The following GALNT17 variants were observed in gnomAD, a reference collection of about 807,000 sequenced individuals.
GALNT17 encodes polypeptide N-acetylgalactosaminyltransferase 17, also known as UDP-GalNAc:polypeptide N-acetylgalactosaminyltransferase-like 3.
In GALNT17, 29 loss-of-function variants were observed where a neutral mutation model predicts 63.7. The observed-to-expected ratio is 0.46, with a 90% confidence interval of 0.34 to 0.62. GALNT17 has a LOEUF of 0.62. GALNT17 is among the 20% of genes least tolerant of loss of function. The pLI, the probability that GALNT17 is intolerant of heterozygous loss-of-function variation, is 0.01. For synonymous variants in GALNT17, 305 were observed against 318.3 expected, an observed-to-expected ratio of 0.96 and a Z score of 0.45; for missense variants, 603 against 799.6, an observed-to-expected ratio of 0.75 and a Z score of 2.97.
chr7:71,599,068 G>C (rs570352971), intron 6 of GALNT17, among the ~76,000 whole-genome samples: 4 of 152,216 alleles, frequency 2.6e-5, no homozygotes, highest in African/African-American at 9.6e-5. Context: ...TAGCTGAGCA[G>C]AACAGTGCAG....
At chr7:71,599,738 G>T (rs750302072) in intron 6 of GALNT17, among the ~76,000 whole-genome samples, 2 of 151,590 alleles carry the variant, frequency 1.3e-5, no homozygotes, top group Non-Finnish European at 2.9e-5. Context: ...CCCACCTTAA[G>T]AAATTACCTA....
chr7:71,297,610 C>CAA (rs61518801), intron 1 of GALNT17, among the ~76,000 whole-genome samples: 1 of 151,740 alleles, frequency 6.6e-6, no homozygotes, highest in African/African-American at 2.4e-5. Context: ...GACCTTGTCT[C>CAA]AAAAAAATAG....
intron 1 of GALNT17, among the ~76,000 whole-genome samples, chr7:71,133,303 C>A (rs972093852): frequency 5.9e-5 from 9 of 152,186 alleles, no homozygotes; most frequent in African/African-American, 1.9e-4. Context: ...TCCCGGTCCC[C>A]GCGTGCGGAC....
At chr7:71,674,369 A>G in intron 8 of GALNT17, among the ~76,000 whole-genome samples, 1 of 151,306 alleles carries the variant, frequency 6.6e-6, no homozygotes, top group Non-Finnish European at 1.5e-5. Flanking sequence ...AAAAAGAGAT[A>G]GGGTCTTGCT....
intron 5 of GALNT17, among the ~76,000 whole-genome samples, chr7:71,460,414 G>A (rs754210557): frequency 4.6e-5 from 7 of 152,156 alleles, no homozygotes; most frequent in Non-Finnish European, 8.8e-5. Context: ...TACAAGCAGG[G>A]CAGTCATTTT....
chr7:71,453,611 A>G (rs954783998), intron 5 of GALNT17, among the ~76,000 whole-genome samples: 2 of 152,212 alleles, frequency 1.3e-5, no homozygotes, highest in African/African-American at 2.4e-5. Flanking sequence ...GGGAGCTACA[A>G]TTCAAGATGA....
chr7:71,360,215 A>C (rs990262576), intron 2 of GALNT17, among the ~76,000 whole-genome samples: 6 of 152,214 alleles, frequency 3.9e-5, no homozygotes, highest in Non-Finnish European at 8.8e-5. Flanking sequence ...ATACAATTTG[A>C]TATCTTAGCT....
At chr7:71,295,843 C>T (rs4719107) in intron 1 of GALNT17, among the ~76,000 whole-genome samples, 48,256 of 151,854 alleles carry the variant, frequency 0.32, 7,873 homozygotes, top group East Asian at 0.49. Flanking sequence ...AATCTTCCTG[C>T]CTCAGCCTCT....
chr7:71,303,162 CTT>C (rs35900409), intron 1 of GALNT17, among the ~76,000 whole-genome samples: 86 of 146,530 alleles, frequency 5.9e-4, no homozygotes, highest in Admixed American at 6.8e-4. Context: ...TGCACCCAGC[CTT>C]TTTTTTTTTT....
chr7:71,568,350 G>A (rs1297486705), intron 5 of GALNT17, among the ~76,000 whole-genome samples: 3 of 152,164 alleles, frequency 2.0e-5, no homozygotes, highest in African/African-American at 7.2e-5. Flanking sequence ...CACGAGATGT[G>A]CGTGGAAAGT....
At chr7:71,246,773 G>C (rs2116480279) in intron 1 of GALNT17, among the ~76,000 whole-genome samples, 1 of 151,890 alleles carries the variant, frequency 6.6e-6, no homozygotes, top group South Asian at 2.1e-4. Context: ...AGCTTGCAGT[G>C]AGCTGAGAAC....
chr7:71,256,372 A>T (rs1289848984), intron 1 of GALNT17, among the ~76,000 whole-genome samples: 1 of 152,254 alleles, frequency 6.6e-6, no homozygotes, highest in East Asian at 1.9e-4. Flanking sequence ...GGAGTTTGAG[A>T]CCAGCCTGGC....
At chr7:71,151,988 A>G (rs1266570123) in intron 1 of GALNT17, among the ~76,000 whole-genome samples, 1 of 152,194 alleles carries the variant, frequency 6.6e-6, no homozygotes, top group Non-Finnish European at 1.5e-5. Context: ...GCAATTACTG[A>G]AATGCATTCA....
intron 1 of GALNT17, among the ~76,000 whole-genome samples, chr7:71,299,715 T>C (rs1052474838): frequency 1.3e-5 from 2 of 152,082 alleles, no homozygotes; most frequent in African/African-American, 4.8e-5. Context: ...CCTATGTCCT[T>C]CCTGTGTGTC....
intron 5 of GALNT17, among the ~76,000 whole-genome samples, chr7:71,478,318 G>GT (rs1461505352): frequency 6.6e-6 from 1 of 151,910 alleles, no homozygotes; most frequent in Non-Finnish European, 1.5e-5. Context: ...TTTGTTTTGG[G>GT]TTTTTTGTTC....
intron 5 of GALNT17, among the ~76,000 whole-genome samples, chr7:71,514,745 C>A (rs1374334038): frequency 6.6e-6 from 1 of 152,148 alleles, no homozygotes; most frequent in Non-Finnish European, 1.5e-5. Flanking sequence ...TTTGCAGTTG[C>A]CAAAATTACT....
At chr7:71,508,538 G>C (rs1454898699) in intron 5 of GALNT17, among the ~76,000 whole-genome samples, 2 of 152,032 alleles carry the variant, frequency 1.3e-5, no homozygotes, top group African/African-American at 2.4e-5. Flanking sequence ...AACTAGAGAA[G>C]TGAGCACACG....
intron 1 of GALNT17, among the ~76,000 whole-genome samples, chr7:71,227,373 GA>G (rs11291968): frequency 0.082 from 11,642 of 142,320 alleles, 602 homozygotes; most frequent in East Asian, 0.22. Context: ...CTAAAAAATG[GA>G]AAAAAAAAAA....
intron 5 of GALNT17, among the ~76,000 whole-genome samples, chr7:71,487,343 T>C (rs1787928564): frequency 6.6e-6 from 1 of 152,122 alleles, no homozygotes; most frequent in Non-Finnish European, 1.5e-5. Flanking sequence ...CTTCCTCGGC[T>C]TACTTGATAT....
Sources: gnomAD v4.1 joint callset for allele counts (sites outside exome capture counted in the v4.1 genomes callset) on GRCh38, gnomAD v4.1.1 for gene constraint, MANE v1.5 for transcripts, NCBI Gene and HGNC (gene_info 2026-07-23, HGNC 2026-07-21) for gene names.